Variants in HSPH1 observed in about 807,000 individuals in gnomAD.
HSPH1 encodes the protein heat shock protein family H (Hsp110) member 1, also known as heat shock protein 105 kDa.
In HSPH1, 40 loss-of-function variants were observed where a neutral mutation model predicts 100.0. The observed-to-expected ratio is 0.40, with a 90% confidence interval of 0.31 to 0.52. The LOEUF is 0.52. Ranked by LOEUF, HSPH1 falls within the 20% of genes least tolerant of loss-of-function variation. HSPH1 has a pLI of 0.54. For synonymous variants in HSPH1, 403 were observed against 344.0 expected (o/e 1.17, Z -1.90); for missense variants, 876 against 1,015.1 (o/e 0.86, Z 1.86).
Position 31,152,840 on chromosome 13 carries a change from CCTT to C in HSPH1, c.529+9_529+11del. ...TAGTATATTCACTTCCACACAAATG[CCTT>C]TTCCTTACCAGCTGTCATGTCATTC... On this transcript the variant is annotated intron_variant, in intron 5 of 17. Transcript: ENST00000320027. 1 of 1,559,240 alleles carries C rather than the reference CCTT, an allele frequency of 6.4e-7. No homozygotes were observed. Among genetic ancestry groups the C allele is most frequent in the Non-Finnish European group, 8.8e-7 (1 of 1,130,414 alleles).
At position 31,149,137 on chromosome 13, in the gene HSPH1, CAGTT is replaced by C. The variant is rs533939624; in HGVS notation, c.1138-661_1138-658del. Among the ~76,000 whole-genome samples the C allele has an allele frequency of 6.0e-3, 918 of 152,070 alleles. 14 individuals carry two copies. The highest frequency in any genetic ancestry group is 0.021 in the African/African-American group (858 of 41,506). Reference sequence around the variant, plus strand: ...ATAAACTTCCATCATTTGAAGGAATCAGTTAATTAAGGAGGCATATTCCATTATG... The same window carrying C: ...ATAAACTTCCATCATTTGAAGGAATCAATTAAGGAGGCATATTCCATTATG... On this transcript the variant is annotated intron_variant, in intron 8 of 17. Coordinates refer to ENST00000320027, the MANE Select transcript of HSPH1 (RefSeq NM_006644.4).
In HSPH1 at chr13:31,161,855, C is replaced by T. The variant is rs910017439; in HGVS notation, c.-273G>A. ...TCGCTCCGCACCTCGGGTTGCCTGC[C>T]TCACTCTGCCGCGGCTCGCACACCG... On this transcript the variant is annotated 5_prime_UTR_variant, in exon 1 of 18. Coordinates refer to ENST00000320027, the MANE Select transcript of HSPH1 (RefSeq NM_006644.4). The T allele has an allele frequency of 3.4e-6, 5 of 1,482,224 alleles. No individual in the cohort carries two copies. The highest frequency in any genetic ancestry group is 1.4e-5 in the African/African-American group (1 of 71,574). The allele number at this position is 1,482,224 out of a possible 1,614,324, so 91.8% of individuals were successfully genotyped here. A position where few individuals can be genotyped will look rare whatever the true frequency, so the allele number is the denominator to read the frequency against.
Position 31,153,114 on chromosome 13 carries a change from G to C in HSPH1, c.430-163C>G, listed in dbSNP as rs75580496. On this transcript the variant is annotated intron_variant, in intron 4 of 17. Coordinates refer to ENST00000320027, the MANE Select transcript of HSPH1 (RefSeq NM_006644.4). ...TTTTCTGCAAGCTCCTTAACCTTCA[G>C]AAACAGTAACTACTTTTGAAAAGGC... Among the ~76,000 whole-genome samples the C allele has an allele frequency of 4.6e-3, 697 of 152,232 alleles. 8 individuals are homozygous for C. Among genetic ancestry groups the C allele is most frequent in the African/African-American group, 0.016 (671 of 41,536 alleles).
chr13:31,161,998 C>G (rs1486234212), upstream of HSPH1: 2 of 1,536,126 alleles, frequency 1.3e-6, no homozygotes, highest in South Asian at 1.2e-5. Context: ...CTCCACCGGC[C>G]CCTCCACGTG....
chr13:31,144,452 A>G (rs887511651), intron 11 of HSPH1, among the ~76,000 whole-genome samples: 12 of 152,210 alleles, frequency 7.9e-5, no homozygotes, highest in Admixed American at 4.6e-4. Flanking sequence ...TCTGTGATCC[A>G]GCTATTTATA....
Position 31,161,568 on chromosome 13 carries a change from C to G in HSPH1, c.15G>C (p.Gly5=). The stretch of plus-strand genomic sequence containing the variant: ...AGCAGCTCTGCGAGCCCACGTCCAA[C>G]CCCACCACCGACATGGCCGGCTCGC... MSVV[G]LDVGSQSCYI... Residue 5 remains glycine, a synonymous_variant, in exon 1 of 18, where the codon GGG becomes GGC. Coordinates refer to ENST00000320027, the MANE Select transcript of HSPH1 (RefSeq NM_006644.4). 2 of 1,613,578 alleles carry G rather than the reference C, an allele frequency of 1.2e-6. No individual in the cohort carries two copies. Among genetic ancestry groups the G allele is most frequent in the Non-Finnish European group, 1.7e-6 (2 of 1,179,812 alleles).
intron 16 of HSPH1, 78 bp downstream of exon 16, chr13:31,138,703 A>AT (rs1955974085): frequency 6.5e-7 from 1 of 1,546,654 alleles, no homozygotes; most frequent in East Asian, 2.3e-5. Context: ...AAGACTATTC[A>AT]TGATGATTCC....
At position 31,145,608 on chromosome 13, in the gene HSPH1, G is replaced by A. The variant is rs554236747; in HGVS notation, c.1539C>T (p.Asp513=). Residue 513 remains aspartate (D), a synonymous_variant, in exon 11 of 18, where the codon GAC becomes GAT. Coordinates refer to ENST00000320027, the MANE Select transcript of HSPH1 (RefSeq NM_006644.4). ...GTGGTCTCTGATTCAGACACTCCAT[G>A]TCAGCTTCAGAAGACATTTCATTCT... The part of the protein sequence containing the change: ...TEENEMSSEA[D]MECLNQRPPE... The A allele has an allele frequency of 1.2e-6, 2 of 1,613,554 alleles. No individual in the cohort carries two copies. Among genetic ancestry groups the A allele is most frequent in the Admixed American group, 1.7e-5 (1 of 59,900 alleles).
rs1438934617 is a variant in HSPH1, at chr13:31,161,850, C to T, written c.-268G>A. The T allele has an allele frequency of 2.0e-6, 3 of 1,480,002 alleles. No homozygotes were observed. Among genetic ancestry groups the T allele is most frequent in the Non-Finnish European group, 2.7e-6 (3 of 1,117,612 alleles). 91.7% of individuals were successfully genotyped at this position (1,480,002 alleles called of 1,614,324 possible). On this transcript the variant is annotated 5_prime_UTR_variant, in exon 1 of 18. Coordinates refer to ENST00000320027, the MANE Select transcript of HSPH1 (RefSeq NM_006644.4). ...GCAGGTCGCTCCGCACCTCGGGTTG[C>T]CTGCCTCACTCTGCCGCGGCTCGCA...
chr13:31,137,414 A>G lies in HSPH1; in HGVS notation c.2481T>C (p.Asp827=), dbSNP rs377590646. Residue 827 remains aspartate (D), a synonymous_variant, in exon 18 of 18, where the codon GAT becomes GAC. Transcript: ENST00000320027. ...NGPNIDKKEE[D]LEDKNNFGAE... ...CACCAAAATTGTTTTTGTCTTCTAA[A>G]TCTTCTTCCTTTTTATCAATATTTG... is the stretch of plus-strand genomic sequence containing the variant. The G allele has an allele frequency of 1.8e-5, 29 of 1,613,452 alleles. No homozygotes were observed. The highest frequency in any genetic ancestry group is 2.3e-5 in the Non-Finnish European group (27 of 1,179,602).
chr13:31,158,548 CAAAAAA>C (rs11363658), intron 2 of HSPH1, among the ~76,000 whole-genome samples: 27 of 63,832 alleles, frequency 4.2e-4, no homozygotes, highest in African/African-American at 1.6e-3. Context: ...GACTCTATCT[CAAAAAA>C]AAAAAAAAAA....
chr13:31,162,017 G>A, upstream of HSPH1: 2 of 1,536,096 alleles, frequency 1.3e-6, no homozygotes, highest in Non-Finnish European at 8.7e-7. Flanking sequence ...TGCCACTTCC[G>A]CTTCCTTCTT....
At chr13:31,142,545 A>G (rs888092362) in intron 12 of HSPH1, among the ~76,000 whole-genome samples, 2 of 152,148 alleles carry the variant, frequency 1.3e-5, no homozygotes, top group African/African-American at 4.8e-5. Flanking sequence ...ATGTTGGGAA[A>G]CAAATGGATA....
chr13:31,149,653 G>T (rs1158679728), intron 8 of HSPH1, among the ~76,000 whole-genome samples: 1 of 152,124 alleles, frequency 6.6e-6, no homozygotes, highest in Non-Finnish European at 1.5e-5. Context: ...TGCTTTTTAA[G>T]TAACAACTGC....
chr13:31,154,727 A>T lies in HSPH1; in HGVS notation c.335T>A (p.Phe112Tyr). The T allele has an allele frequency of 6.2e-7, 1 of 1,613,708 alleles. No homozygotes were observed. The highest frequency in any genetic ancestry group is 8.5e-7 in the Non-Finnish European group (1 of 1,179,648). Residue 112 changes from phenylalanine to tyrosine, a missense_variant, in exon 4 of 18, where the codon TTT (phenylalanine) becomes TAT (tyrosine). Physicochemically the swap from Phe to Tyr is conservative, Grantham distance 22. Coordinates refer to ENST00000320027, the MANE Select transcript of HSPH1 (RefSeq NM_006644.4). ...KVMYMGEEHL[F>Y]SVEQITAMLL... ...CATGGCTGTTATCTGCTCCACACTA[A>T]ATAGATGTTCTTCACCCATGTACAT... is the stretch of plus-strand genomic sequence containing the variant.
At position 31,138,392 on chromosome 13, in the gene HSPH1, G is replaced by A; in HGVS notation, c.2370+15C>T. Reference sequence around the variant, plus strand: ...TAAGTGAACCCAGCAGTAAACACGAGACAGTAACACTCACCTTGATTTTTG... The same window carrying A: ...TAAGTGAACCCAGCAGTAAACACGAAACAGTAACACTCACCTTGATTTTTG... On this transcript the variant is annotated intron_variant, in intron 17 of 17. Coordinates refer to ENST00000320027, the MANE Select transcript of HSPH1 (RefSeq NM_006644.4). 6.2e-7 allele frequency: 1 copy of A among 1,610,502 alleles called. No homozygotes were observed. The highest frequency in any genetic ancestry group is 2.2e-5 in the East Asian group (1 of 44,778).
Position 31,141,619 on chromosome 13 carries a change from T to TCA in HSPH1, c.1717-362_1717-361dup, listed in dbSNP as rs369695922. On this transcript the variant is annotated intron_variant, in intron 12 of 17. Coordinates refer to ENST00000320027, the MANE Select transcript of HSPH1 (RefSeq NM_006644.4). ...TTATCTTTATAGACTCTAGAACCTG[T>TCA]CACCTAAGGATAAGCTTCGACCAGT... Among the ~76,000 whole-genome samples, 226 of 152,158 alleles carry TCA rather than the reference T, an allele frequency of 1.5e-3. 1 individual carries two copies. Among genetic ancestry groups the TCA allele is most frequent in the African/African-American group, 5.4e-3 (223 of 41,544 alleles).
intron 2 of HSPH1, among the ~76,000 whole-genome samples, chr13:31,157,989 G>T (rs1956759603): frequency 6.6e-6 from 1 of 152,156 alleles, no homozygotes; most frequent in Non-Finnish European, 1.5e-5. Context: ...TTCACATTTT[G>T]ATTCAGACGA....
chr13:31,141,318 A>C (rs3761866), intron 12 of HSPH1, 59 bp from the exon 13 acceptor site: 347,152 of 1,404,098 alleles, frequency 0.25, 46,679 homozygotes, highest in East Asian at 0.46. Context: ...GAAAAACACA[A>C]AAAAAATGTC....
Sources: allele counts gnomAD v4.1 joint callset (sites outside exome capture counted in the v4.1 genomes callset), GRCh38; gene constraint gnomAD v4.1.1; transcripts MANE v1.5; gene names NCBI Gene and HGNC (gene_info 2026-07-23, HGNC 2026-07-21).